The following RAB38 variants were observed in gnomAD, a reference collection of about 807,000 sequenced individuals.
RAB38 encodes ras-related protein Rab-38.
Under a neutral mutation model 18.4 loss-of-function variants are expected in RAB38, and 15 were observed. That is an observed-to-expected ratio of 0.82 (90% CI 0.55 to 1.26). The LOEUF (loss-of-function observed/expected upper bound fraction) is 1.26, where lower values mean the gene tolerates loss of function less well. Among genes scored for constraint, RAB38 ranks in the 50% most tolerant of loss-of-function variants. RAB38 has a pLI of 0.00. For synonymous variants in RAB38, 101 were observed against 104.4 expected, an observed-to-expected ratio of 0.97 and a Z score of 0.20; for missense variants, 294 against 267.4, an observed-to-expected ratio of 1.10 and a Z score of -0.69.
chr11:87,932,504 A>G, the RAB38 span, among the ~76,000 whole-genome samples: 1 of 152,046 alleles, frequency 6.6e-6, no homozygotes, highest in African/African-American at 2.4e-5. Flanking sequence ...CTGTCACAAC[A>G]GTTTCCTTCT....
the RAB38 span, among the ~76,000 whole-genome samples, chr11:87,975,543 C>A: frequency 6.6e-6 from 1 of 151,802 alleles, no homozygotes; most frequent in Non-Finnish European, 1.5e-5. Context: ...TTATGCAAGA[C>A]TATGTATGTT....
At chr11:88,059,161 G>A in the RAB38 span, among the ~76,000 whole-genome samples, 2 of 114,030 alleles carry the variant, frequency 1.8e-5, no homozygotes, top group African/African-American at 7.2e-5. Flanking sequence ...ATCATAAAGT[G>A]TTGTGGGCAT....
chr11:88,052,803 C>CTG, the RAB38 span, among the ~76,000 whole-genome samples: 1 of 148,734 alleles, frequency 6.7e-6, no homozygotes, highest in South Asian at 2.1e-4. Flanking sequence ...TCTTTACTTG[C>CTG]TGGGCATTTG....
At chr11:87,871,269 A>G in the RAB38 span, among the ~76,000 whole-genome samples, 138 of 151,718 alleles carry the variant, frequency 9.1e-4, 1 homozygote, top group African/African-American at 2.9e-3. Flanking sequence ...TCCATTCCCA[A>G]CAACCCCTCC....
the RAB38 span, among the ~76,000 whole-genome samples, chr11:87,820,112 T>C: frequency 6.6e-6 from 1 of 152,138 alleles, no homozygotes; most frequent in Non-Finnish European, 1.5e-5. Flanking sequence ...TGATAAAGAA[T>C]GGAAACTCAA....
the RAB38 span, among the ~76,000 whole-genome samples, chr11:87,840,755 A>G: frequency 6.6e-6 from 1 of 152,218 alleles, no homozygotes; most frequent in African/African-American, 2.4e-5. Flanking sequence ...TTTGTAAGAC[A>G]TATAGAAATC....
the RAB38 span, among the ~76,000 whole-genome samples, chr11:87,832,273 A>G: frequency 6.6e-6 from 1 of 152,206 alleles, no homozygotes; most frequent in African/African-American, 2.4e-5. Flanking sequence ...TTAGTTTTCT[A>G]TTGCTGCATT....
the RAB38 span, among the ~76,000 whole-genome samples, chr11:87,891,557 T>A: frequency 6.6e-6 from 1 of 151,844 alleles, no homozygotes; most frequent in Non-Finnish European, 1.5e-5. Flanking sequence ...AGAACCGAGT[T>A]TCTGGGCATC....
At chr11:88,038,946 G>T in the RAB38 span, among the ~76,000 whole-genome samples, 1 of 152,124 alleles carries the variant, frequency 6.6e-6, no homozygotes. Context: ...TATGCTTTGT[G>T]GTTGTTAAGA....
At chr11:88,174,637 A>AAAAAAAAAAAAAAC (rs1555014231) in intron 1 of RAB38, among the ~76,000 whole-genome samples, 5 of 133,670 alleles carry the variant, frequency 3.7e-5, no homozygotes, top group Non-Finnish European at 4.7e-5. Context: ...AAAAAAAAAA[A>AAAAAAAAAAAAAAC]AAAACAAAAC....
the RAB38 span, among the ~76,000 whole-genome samples, chr11:87,971,203 C>T: frequency 6.6e-6 from 1 of 152,016 alleles, no homozygotes; most frequent in Non-Finnish European, 1.5e-5. Flanking sequence ...AAAGACTAGG[C>T]CTCAGAGCTG....
the RAB38 span, among the ~76,000 whole-genome samples, chr11:88,023,899 ATGAAT>A: frequency 2.0e-5 from 3 of 152,206 alleles, no homozygotes; most frequent in Non-Finnish European, 4.4e-5. Flanking sequence ...TCAAATCAAA[ATGAAT>A]TAAATACTGA....
the RAB38 span, among the ~76,000 whole-genome samples, chr11:87,872,816 C>T: frequency 2.0e-5 from 3 of 151,490 alleles, no homozygotes; most frequent in African/African-American, 7.3e-5. Context: ...AGATAATATT[C>T]TGTTGCATGA....
At chr11:88,045,183 A>T in the RAB38 span, among the ~76,000 whole-genome samples, 1 of 152,122 alleles carries the variant, frequency 6.6e-6, no homozygotes, top group Non-Finnish European at 1.5e-5. Flanking sequence ...TATTCTCAAC[A>T]TGCATTTTAT....
the RAB38 span, among the ~76,000 whole-genome samples, chr11:87,898,854 C>G: frequency 6.6e-6 from 1 of 151,568 alleles, no homozygotes; most frequent in Non-Finnish European, 1.5e-5. Context: ...AAAAATGTGT[C>G]CATAAGACAA....
the RAB38 span, among the ~76,000 whole-genome samples, chr11:88,025,792 T>G: frequency 1.6e-4 from 24 of 152,278 alleles, no homozygotes; most frequent in African/African-American, 5.5e-4. Context: ...AGATGCATAG[T>G]TTACTAATAT....
chr11:87,829,746 C>A, the RAB38 span, among the ~76,000 whole-genome samples: 1 of 152,110 alleles, frequency 6.6e-6, no homozygotes, highest in Admixed American at 6.6e-5. Context: ...TAGGGAAGAT[C>A]AGGCAAGAAA....
At chr11:87,829,796 G>A in the RAB38 span, among the ~76,000 whole-genome samples, 1 of 152,112 alleles carries the variant, frequency 6.6e-6, no homozygotes, top group Non-Finnish European at 1.5e-5. Context: ...TGGATAGTGA[G>A]GTATAAGGAC....
At chr11:87,977,944 A>G in the RAB38 span, among the ~76,000 whole-genome samples, 2 of 113,560 alleles carry the variant, frequency 1.8e-5, no homozygotes, top group African/African-American at 3.5e-5. Flanking sequence ...TATATAATAT[A>G]TTAATATAAT....
Sources: allele counts gnomAD v4.1 joint callset (sites outside exome capture counted in the v4.1 genomes callset), GRCh38; gene constraint gnomAD v4.1.1; transcripts MANE v1.5; gene names NCBI Gene and HGNC (gene_info 2026-07-23, HGNC 2026-07-21).